Variants in DHRSX observed in about 807,000 individuals in gnomAD.
DHRSX encodes the protein polyprenol dehydrogenase.
Under a neutral mutation model 34.0 loss-of-function variants are expected in DHRSX, and 31 were observed. The observed-to-expected ratio is 0.91, with a 90% CI of 0.69 to 1.23. The LOEUF (loss-of-function observed/expected upper bound fraction) is 1.23, where lower values mean the gene tolerates loss of function less well. Among genes scored for constraint, DHRSX ranks in the 50% most tolerant of loss-of-function variants. The pLI is 0.00. For synonymous variants in DHRSX, 201 were observed against 183.8 expected, an observed-to-expected ratio of 1.09 and a Z score of -0.76; for missense variants, 414 against 428.1, an observed-to-expected ratio of 0.97 and a Z score of 0.29.
chrX:2,409,075 C>T (rs2043594748), intron 2 of DHRSX, among the ~76,000 whole-genome samples: 1 of 152,146 alleles, frequency 6.6e-6, no homozygotes, highest in Admixed American at 6.6e-5. Context: ...GTGACAGGGA[C>T]CCGGGGCACC....
chrX:2,414,523 C>T (rs1216123444), intron 2 of DHRSX, among the ~76,000 whole-genome samples: 1 of 151,776 alleles, frequency 6.6e-6, no homozygotes, highest in African/African-American at 2.4e-5. Context: ...TCATCAAGAC[C>T]AACCCAACTA....
intron 1 of DHRSX, chrX:2,488,817 G>A (rs1351773998): frequency 1.2e-5 from 19 of 1,613,748 alleles, no homozygotes; most frequent in Admixed American, 1.7e-5. Context: ...GGAGCCAGCC[G>A]GTTCCTCTTG....
chrX:2,298,610 A>ACACACACACACACACACACACGCGCG (rs1556457186), intron 3 of DHRSX, among the ~76,000 whole-genome samples: 5 of 64,718 alleles, frequency 7.7e-5, no homozygotes, highest in African/African-American at 1.9e-4. Context: ...GTACACACAC[A>ACACACACACACACACACACACGCGCG]CACACACACA....
At chrX:2,396,765 CTTTTT>C (rs71309495) in intron 3 of DHRSX, among the ~76,000 whole-genome samples, 3 of 128,196 alleles carry the variant, frequency 2.3e-5, no homozygotes, top group Non-Finnish European at 1.6e-5. Flanking sequence ...CTGTGTCTCC[CTTTTT>C]TTTTTTTTTT....
intron 1 of DHRSX, among the ~76,000 whole-genome samples, chrX:2,450,177 A>C (rs2044197235): frequency 6.6e-6 from 1 of 151,976 alleles, no homozygotes. Flanking sequence ...AATAAAACAC[A>C]GTAGAGCAGT....
At position 2,485,831 on chromosome X, in the gene DHRSX, G is replaced by C. The variant is rs747787466; in HGVS notation, c.109+14986C>G. On this transcript the variant is annotated intron_variant, in intron 1 of 6. Coordinates refer to ENST00000334651, the MANE Select transcript of DHRSX (RefSeq NM_145177.3). ...GGAAGGGAGAGAAGGAAGGAAGGGA[G>C]AGAAGGAAGGAAGGGAGAGAAAGAA... Among the ~76,000 whole-genome samples the C allele has an allele frequency of 1.9e-3, 170 of 88,166 alleles. 8 individuals are homozygous for C. In the South Asian group the frequency reaches 0.056, roughly 29 times the overall value. The allele number at this position is 88,166 out of a possible 152,430, so 57.8% of individuals were successfully genotyped here. A position where few individuals can be genotyped will look rare whatever the true frequency, so the allele number is the denominator to read the frequency against.
intron 1 of DHRSX, among the ~76,000 whole-genome samples, chrX:2,444,033 A>G (rs2044097330): frequency 6.7e-6 from 1 of 149,424 alleles, no homozygotes; most frequent in Non-Finnish European, 1.5e-5. Context: ...AAAAAGGGCC[A>G]ATGACCATGG....
intron 6 of DHRSX, among the ~76,000 whole-genome samples, chrX:2,224,853 C>G (rs189031912): frequency 7.9e-4 from 119 of 151,428 alleles, no homozygotes; most frequent in Middle Eastern, 3.4e-3. Flanking sequence ...TTCACATGCA[C>G]ACAAATTCGC....
chrX:2,342,193 C>T (rs1308160429), intron 3 of DHRSX, among the ~76,000 whole-genome samples: 1 of 152,142 alleles, frequency 6.6e-6, no homozygotes, highest in Admixed American at 6.6e-5. Flanking sequence ...GCATTATAAA[C>T]AGAGATGCCT....
At chrX:2,358,613 G>GATT (rs1360588729) in intron 3 of DHRSX, among the ~76,000 whole-genome samples, 2 of 152,102 alleles carry the variant, frequency 1.3e-5, no homozygotes, top group Non-Finnish European at 2.9e-5. Flanking sequence ...TAAACAATTT[G>GATT]ATTACCTTGT....
At chrX:2,495,575 C>T (rs1278556685) in intron 1 of DHRSX, among the ~76,000 whole-genome samples, 2 of 151,430 alleles carry the variant, frequency 1.3e-5, no homozygotes, top group African/African-American at 2.4e-5. Flanking sequence ...GGTAAAGAAC[C>T]GTCCACACAG....
At chrX:2,298,394 T>TAA (rs770643932) in intron 3 of DHRSX, among the ~76,000 whole-genome samples, 2,564 of 132,342 alleles carry the variant, frequency 0.019, 64 homozygotes, top group African/African-American at 0.057. Context: ...GGTCTTTTGT[T>TAA]AAAAAAAAAA....
At chrX:2,321,115 C>G (rs1348684052) in intron 3 of DHRSX, among the ~76,000 whole-genome samples, 2 of 152,066 alleles carry the variant, frequency 1.3e-5, no homozygotes, top group African/African-American at 2.4e-5. Flanking sequence ...GCGTGGCTGT[C>G]CATTGAGAGA....
chrX:2,373,159 T>C (rs914560233), intron 3 of DHRSX, among the ~76,000 whole-genome samples: 5 of 152,134 alleles, frequency 3.3e-5, no homozygotes, highest in African/African-American at 1.2e-4. Flanking sequence ...ACATCAGATC[T>C]CGTGAGAACA....
At chrX:2,306,830 CCG>C (rs2042102802) in intron 3 of DHRSX, among the ~76,000 whole-genome samples, 1 of 151,870 alleles carries the variant, frequency 6.6e-6, no homozygotes, top group African/African-American at 2.4e-5. Flanking sequence ...AGGAATCCCT[CCG>C]CCTCAATTTT....
At chrX:2,341,483 TTCTCCTCTGTGTCTGTG>T (rs1487503336) in intron 3 of DHRSX, among the ~76,000 whole-genome samples, 2 of 152,228 alleles carry the variant, frequency 1.3e-5, no homozygotes, top group Non-Finnish European at 1.5e-5. Flanking sequence ...CCACGTGGCC[TTCTCCTCTGTGTCTGTG>T]TCTCCTCTTC....
chrX:2,242,877 ACTTG>A (rs1171296009), intron 6 of DHRSX, 142 bp downstream of exon 6: 1 of 739,168 alleles, frequency 1.4e-6, no homozygotes, highest in African/African-American at 1.8e-5. Context: ...CTTCTCAATA[ACTTG>A]CTTCTCTTTC....
intron 3 of DHRSX, among the ~76,000 whole-genome samples, chrX:2,378,068 G>C (rs866177882): frequency 2.6e-5 from 4 of 152,314 alleles, no homozygotes; most frequent in South Asian, 4.1e-4. Context: ...CTTACTGAAC[G>C]CTTATTCTTT....
intron 3 of DHRSX, among the ~76,000 whole-genome samples, chrX:2,342,692 TCA>T (rs747624618): frequency 4.9e-4 from 74 of 152,258 alleles, no homozygotes; most frequent in African/African-American, 1.7e-3. Context: ...TTCCATTTAT[TCA>T]CAGTTTCCAT....
Sources: gnomAD v4.1 joint callset for allele counts (sites outside exome capture counted in the v4.1 genomes callset) on GRCh38, gnomAD v4.1.1 for gene constraint, MANE v1.5 for transcripts, NCBI Gene and HGNC (gene_info 2026-07-23, HGNC 2026-07-21) for gene names.